The following PLEKHG4B variants were observed in gnomAD, a reference collection of about 807,000 sequenced individuals.
The protein encoded by PLEKHG4B is pleckstrin homology domain-containing family G member 4B.
Under a neutral mutation model 121.3 loss-of-function variants are expected in PLEKHG4B, and 111 were observed. The ratio of observed to expected loss-of-function variants is 0.92; its 90% CI spans 0.78 to 1.07. PLEKHG4B has a LOEUF of 1.07. Ranked by LOEUF, PLEKHG4B falls within the 50% of genes least tolerant of loss-of-function variation. The pLI, the probability that PLEKHG4B is intolerant of heterozygous loss-of-function variation, is 0.00. For synonymous variants in PLEKHG4B, 738 were observed against 725.0 expected (o/e 1.02, Z -0.29); for missense variants, 1,831 against 1,757.8 (o/e 1.04, Z -0.74).
intron 16 of PLEKHG4B, 133 bp downstream of exon 16, chr5:171,577 G>A: frequency 2.1e-6 from 2 of 930,918 alleles, no homozygotes; most frequent in Non-Finnish European, 3.2e-6. Flanking sequence ...GTCCCTCAAA[G>A]CACAGCCTTC....
At chr5:94,254 G>C (rs1341907248) in intron 1 of PLEKHG4B, among the ~76,000 whole-genome samples, 1 of 152,238 alleles carries the variant, frequency 6.6e-6, no homozygotes, top group African/African-American at 2.4e-5. Context: ...CAGCGGTTCT[G>C]TTCCCCACCT....
chr5:99,162 A>AAT (rs1422541535), intron 1 of PLEKHG4B, among the ~76,000 whole-genome samples: 1 of 109,948 alleles, frequency 9.1e-6, no homozygotes, highest in Non-Finnish European at 1.8e-5. Context: ...TCTCAAAAAA[A>AAT]AAAAAGTGTA....
intron 11 of PLEKHG4B, among the ~76,000 whole-genome samples, chr5:158,191 C>G (rs915508088): frequency 2.7e-5 from 4 of 150,196 alleles, no homozygotes; most frequent in Non-Finnish European, 4.5e-5. Flanking sequence ...GGCTCCATCT[C>G]CCCTCCTCCC....
rs1200360904 is a variant in PLEKHG4B at position 176,110 on chromosome 5, G to A, written c.4402+2012G>A. On this transcript the variant is annotated intron_variant, in intron 18 of 19. Transcript: ENST00000637938. ...TGTCAGACACAGGGGGCCCCATGGC[G>A]TCGCCACAGGCTCCCCCTCTGGCCC... 1.7e-5 allele frequency among the ~76,000 whole-genome samples: 2 copies of A among 118,366 alleles called. 1 individual carries two copies. Among genetic ancestry groups the A allele is most frequent in the Non-Finnish European group, 4.3e-5 (2 of 46,850 alleles). The allele number at this position is 118,366 out of a possible 152,430, so 77.7% of individuals were successfully genotyped here.
chr5:154,670 A>G (rs974171805), intron 7 of PLEKHG4B, among the ~76,000 whole-genome samples: 4 of 121,082 alleles, frequency 3.3e-5, no homozygotes, highest in Non-Finnish European at 4.8e-5. Context: ...CCTTTCCTTC[A>G]CTTGTCTTAG....
At chr5:123,419 T>G (rs1355580169) in intron 2 of PLEKHG4B, among the ~76,000 whole-genome samples, 2 of 152,186 alleles carry the variant, frequency 1.3e-5, no homozygotes, top group East Asian at 3.8e-4. Flanking sequence ...TCCCTCCTCT[T>G]TAATTTTTTG....
chr5:164,498 G>C (rs1736177630), intron 13 of PLEKHG4B, among the ~76,000 whole-genome samples: 1 of 99,664 alleles, frequency 1.0e-5, no homozygotes, highest in East Asian at 2.4e-4. Context: ...CTAATGCTCT[G>C]ACAGGGGGCG....
intron 12 of PLEKHG4B, 42 bp downstream of exon 12, chr5:161,986 C>T (rs1449911778): frequency 1.1e-5 from 17 of 1,561,046 alleles, no homozygotes; most frequent in Non-Finnish European, 1.4e-5. Flanking sequence ...ATCCCGGCTC[C>T]TTAGGCTGTG....
rs914043020 is a variant in PLEKHG4B, at chr5:139,985, T to C, written c.746T>C (p.Leu249Pro). The change falls in exon 3 of 20, where the codon CTG (leucine) becomes CCG (proline). Residue 249 changes from leucine to proline, a missense_variant. Physicochemically the swap from Leu to Pro is moderately conservative, Grantham distance 98. Transcript: ENST00000637938. The surrounding 1 kb of genome is among the most constrained non-coding windows in gnomAD (Gnocchi z 5.0). Reference sequence around the variant, plus strand: ...GGAAGCGCCTCTTGCCCCGACACCCTGACCTCACCCTGCCGCCGAGGGCAT... The same window carrying C: ...GGAAGCGCCTCTTGCCCCGACACCCCGACCTCACCCTGCCGCCGAGGGCAT... The part of the protein sequence containing the change: ...FQGSASCPDT[L>P]TSPCRRGHTG... The C allele has an allele frequency of 3.4e-5, 14 of 410,894 alleles. No individual in the cohort carries two copies. Among genetic ancestry groups the C allele is most frequent in the Non-Finnish European group, 4.3e-6 (1 of 233,184 alleles). 25.5% of individuals were successfully genotyped at this position (410,894 alleles called of 1,614,324 possible).
chr5:135,705 A>ATG (rs1734962619), intron 2 of PLEKHG4B, among the ~76,000 whole-genome samples: 1 of 97,744 alleles, frequency 1.0e-5, no homozygotes, highest in East Asian at 2.7e-4. Flanking sequence ...ATATATATAT[A>ATG]TATATATATA....
At chr5:93,610 A>G (rs533963079) in intron 1 of PLEKHG4B, among the ~76,000 whole-genome samples, 3 of 152,326 alleles carry the variant, frequency 2.0e-5, no homozygotes, top group Non-Finnish European at 2.9e-5. Context: ...CCCCGCAGGC[A>G]GCCGGTAGGC....
In PLEKHG4B at chr5:163,341, A is replaced by C. The variant is rs765724254; in HGVS notation, c.3269A>C (p.Gln1090Pro). The C allele has an allele frequency of 3.1e-6, 5 of 1,613,354 alleles. No homozygotes were observed. Among genetic ancestry groups the C allele is most frequent in the Non-Finnish European group, 4.2e-6 (5 of 1,180,030 alleles). Reference sequence around the variant, plus strand: ...AAAACGCAAAGTTTCGAGATACCTCAGCCCGACAGTGGCCCCAGGGACTCC... The same window carrying C: ...AAAACGCAAAGTTTCGAGATACCTCCGCCCGACAGTGGCCCCAGGGACTCC... Reference protein sequence around the residue: ...IKKTQSFEIPQPDSGPRDSCQ... With the variant: ...IKKTQSFEIPPPDSGPRDSCQ... Residue 1090 changes from glutamine to proline, a missense_variant, in exon 13 of 20, where the codon CAG becomes CCG. By Grantham distance (76) the Gln-to-Pro change is moderately conservative. Coordinates refer to ENST00000637938, the MANE Select transcript of PLEKHG4B (RefSeq NM_052909.5).
chr5:96,891 G>C (rs896646060), intron 1 of PLEKHG4B, among the ~76,000 whole-genome samples: 1 of 152,170 alleles, frequency 6.6e-6, no homozygotes, highest in African/African-American at 2.4e-5. Flanking sequence ...ATTTCCACAA[G>C]GTACTAGGAC....
At chr5:174,936 C>T (rs1001125160) in intron 18 of PLEKHG4B, among the ~76,000 whole-genome samples, 5 of 152,060 alleles carry the variant, frequency 3.3e-5, no homozygotes, top group Admixed American at 2.6e-4. Context: ...CTCCAGTAGC[C>T]GCACTGTCCA....
At position 171,247 on chromosome 5, in the gene PLEKHG4B, C is replaced by G; in HGVS notation, c.3853C>G (p.Leu1285Val). The change falls in exon 16 of 20, where the codon CTG becomes GTG. Residue 1285 changes from leucine (L) to valine (V), a missense_variant. Transcript: ENST00000637938. The stretch of plus-strand genomic sequence containing the variant: ...GCGGGAGCTAGGTGACAAAATGGAC[C>G]TGGCCTCCTACCTGCTGCGGCCCGT... ...KQRELGDKMDLASYLLRPVQR... is the reference protein window; with the variant it reads ...KQRELGDKMDVASYLLRPVQR... 1 of 1,607,950 alleles carries G rather than the reference C, an allele frequency of 6.2e-7. No homozygotes were observed. Among genetic ancestry groups the G allele is most frequent in the South Asian group, 1.1e-5 (1 of 90,596 alleles).
At chr5:115,028 T>C (rs1295273177) in intron 2 of PLEKHG4B, among the ~76,000 whole-genome samples, 1 of 152,252 alleles carries the variant, frequency 6.6e-6, no homozygotes, top group Non-Finnish European at 1.5e-5. Flanking sequence ...TTCCAGAGGT[T>C]TACAATGTGC....
At position 171,453 on chromosome 5, in the gene PLEKHG4B, C is replaced by T. The variant is rs1560951868; in HGVS notation, c.4050+9C>T. The stretch of plus-strand genomic sequence containing the variant: ...CCATCCGCGGCTGTGACGTAAGTGC[C>T]TCAGACGCTGGCAGCTCAGGCAAGC... On this transcript the variant is annotated intron_variant, in intron 16 of 19. Transcript: ENST00000637938. 1 of 1,578,048 alleles carries T rather than the reference C, an allele frequency of 6.3e-7. No individual in the cohort carries two copies. Among genetic ancestry groups the T allele is most frequent in the Non-Finnish European group, 8.6e-7 (1 of 1,163,288 alleles).
intron 13 of PLEKHG4B, among the ~76,000 whole-genome samples, chr5:165,545 C>G (rs878935197): frequency 3.9e-4 from 10 of 25,502 alleles, no homozygotes; most frequent in Non-Finnish European, 5.5e-4. Flanking sequence ...GGGGCTCACA[C>G]TAATGCTCTG....
At position 113,810 on chromosome 5, in the gene PLEKHG4B, T is replaced by A. The variant is rs185060500; in HGVS notation, c.243+362T>A. Reference sequence around the variant, plus strand: ...GGGACTGTACTGAGCACTTCAGAGCTAAGTTACTGCAGCAGTAACAATGAA... The same window carrying A: ...GGGACTGTACTGAGCACTTCAGAGCAAAGTTACTGCAGCAGTAACAATGAA... On this transcript the variant is annotated intron_variant, in intron 2 of 19. Transcript: ENST00000637938. This position sits in a 1 kb window ranked among gnomAD's most constrained non-coding sequence, Gnocchi z 5.2. 6.6e-6 allele frequency among the ~76,000 whole-genome samples: 1 copy of A among 151,996 alleles called. No homozygotes were observed. Among genetic ancestry groups the A allele is most frequent in the African/African-American group, 2.4e-5 (1 of 41,374 alleles).
Sources: allele counts gnomAD v4.1 joint callset (sites outside exome capture counted in the v4.1 genomes callset), GRCh38; gene constraint gnomAD v4.1.1; non-coding constraint Gnocchi (gnomAD v3.1); transcripts MANE v1.5; gene names NCBI Gene and HGNC (gene_info 2026-07-23, HGNC 2026-07-21).